The following FAM118A variants were observed in gnomAD, a reference collection of about 807,000 sequenced individuals.
The protein encoded by FAM118A is protein FAM118A.
FAM118A carries 25 observed loss-of-function variants against 38.2 expected under a neutral mutation model. The observed-to-expected ratio is 0.65, with a 90% confidence interval of 0.48 to 0.91. FAM118A has a LOEUF of 0.91. Among genes scored for constraint, FAM118A ranks in the 40% least tolerant of loss-of-function variants. The probability of loss-of-function intolerance (pLI) is 0.00; values close to 1 mark genes in which losing one functional copy is unlikely to be tolerated. For synonymous variants in FAM118A, 178 were observed against 184.1 expected, an observed-to-expected ratio of 0.97 and a Z score of 0.27; for missense variants, 425 against 463.3, an observed-to-expected ratio of 0.92 and a Z score of 0.76.
intron 4 of FAM118A, 145 bp from the exon 5 acceptor site, chr22:45,330,458 G>C (rs2085625781): frequency 1.1e-6 from 1 of 893,358 alleles, no homozygotes; most frequent in African/African-American, 1.7e-5. Context: ...CTTAGGTTTT[G>C]AAGGTATAAG....
chr22:45,336,117 A>G (rs2086076685), intron 7 of FAM118A, among the ~76,000 whole-genome samples: 1 of 152,148 alleles, frequency 6.6e-6, no homozygotes. Context: ...TTCCCATGCG[A>G]AAGGACATCT....
chr22:45,336,289 C>G, intron 7 of FAM118A, 39 bp from the exon 8 acceptor site: 1 of 1,550,962 alleles, frequency 6.4e-7, no homozygotes, highest in South Asian at 1.1e-5. Flanking sequence ...CGAGTGGATT[C>G]TGAATAAACA....
rs763127656 is a variant in FAM118A at position 45,336,384 on chromosome 22, T to C, written c.1027T>C (p.Ser343Pro). ...RKLEENGIEV[S>P]KKRTQSDTDD... ...GTTAGAAGAGAATGGAATTGAAGTTTCAAAAAAACGCACACAATCAGATAC... is the reference window on the plus strand; with the variant it reads ...GTTAGAAGAGAATGGAATTGAAGTTCCAAAAAAACGCACACAATCAGATAC... Residue 343 changes from serine (S) to proline (P), a missense_variant, in exon 8 of 9, where the codon TCA becomes CCA. Coordinates refer to ENST00000441876, the MANE Select transcript of FAM118A (RefSeq NM_017911.4). 11 of 1,614,022 alleles carry C rather than the reference T, an allele frequency of 6.8e-6. No individual in the cohort carries two copies. Among genetic ancestry groups the C allele is most frequent in the Non-Finnish European group, 6.8e-6 (8 of 1,179,888 alleles).
At chr22:45,323,577 G>A (rs2085040132) in intron 3 of FAM118A, 150 bp downstream of exon 3, 7 of 1,030,058 alleles carry the variant, frequency 6.8e-6, no homozygotes, top group African/African-American at 1.6e-5. Context: ...TGAGTCCATC[G>A]GGGTGTCGTC....
chr22:45,321,074 AAGT>A (rs2084849957), intron 1 of FAM118A, among the ~76,000 whole-genome samples: 1 of 152,190 alleles, frequency 6.6e-6, no homozygotes, highest in African/African-American at 2.4e-5. Context: ...ATGCATGAAA[AAGT>A]AGGATATGCA....
intron 3 of FAM118A, among the ~76,000 whole-genome samples, chr22:45,324,920 G>A (rs370774576): frequency 1.3e-5 from 2 of 152,204 alleles, no homozygotes; most frequent in Admixed American, 6.5e-5. Flanking sequence ...GGTGGCAGGC[G>A]CCTGTAATCC....
At chr22:45,330,461 G>A (rs895443871) in intron 4 of FAM118A, 142 bp from the exon 5 acceptor site, 3 of 912,306 alleles carry the variant, frequency 3.3e-6, no homozygotes, top group Admixed American at 7.8e-5. Flanking sequence ...AGGTTTTGAA[G>A]GTATAAGTGT....
intron 4 of FAM118A, 61 bp from the exon 5 acceptor site, chr22:45,330,542 C>G: frequency 1.4e-6 from 2 of 1,458,586 alleles, no homozygotes; most frequent in Non-Finnish European, 1.8e-6. Flanking sequence ...TCAGTATTTT[C>G]TTCTCTCTGT....
chr22:45,310,981 C>T (rs934028786), intron 1 of FAM118A, among the ~76,000 whole-genome samples: 2 of 152,162 alleles, frequency 1.3e-5, no homozygotes, highest in Non-Finnish European at 2.9e-5. Context: ...AGAGATGAGA[C>T]GGTCCCTGCT....
intron 3 of FAM118A, among the ~76,000 whole-genome samples, chr22:45,327,548 C>T (rs1047852687): frequency 6.6e-6 from 1 of 152,182 alleles, no homozygotes; most frequent in African/African-American, 2.4e-5. Context: ...TCCTCAGGCC[C>T]CTGTTCAGAT....
At chr22:45,330,876 C>T (rs1333068082) in intron 5 of FAM118A, 145 bp downstream of exon 5, 2 of 837,404 alleles carry the variant, frequency 2.4e-6, no homozygotes, top group Non-Finnish European at 3.3e-6. Flanking sequence ...GAGGGAGGGG[C>T]CACGTCTCTT....
intron 1 of FAM118A, among the ~76,000 whole-genome samples, chr22:45,315,969 A>G (rs1244019392): frequency 8.5e-5 from 13 of 152,212 alleles, no homozygotes; most frequent in Admixed American, 8.5e-4. Context: ...GAAACCTATC[A>G]GCTGGATCGC....
At chr22:45,315,244 A>C (rs1198313709) in intron 1 of FAM118A, among the ~76,000 whole-genome samples, 1 of 152,204 alleles carries the variant, frequency 6.6e-6, no homozygotes, top group Non-Finnish European at 1.5e-5. Flanking sequence ...CAATTAACTT[A>C]TTTCCATCAT....
chr22:45,329,564 T>G (rs981606451), intron 4 of FAM118A: 6 of 152,308 alleles, frequency 3.9e-5, no homozygotes, highest in African/African-American at 1.4e-4. Context: ...CACTGCTGCC[T>G]GTGTTGTCTG....
Position 45,340,492 on chromosome 22 carries a change from G to A in FAM118A, c.*87G>A, listed in dbSNP as rs1053473921. ...AAGAGGAATGTATGGAGAACTCCAC[G>A]TGGATCTCTGATTGCGAAACCGTCA... On this transcript the variant is annotated 3_prime_UTR_variant, in exon 9 of 9. Coordinates refer to ENST00000441876, the MANE Select transcript of FAM118A (RefSeq NM_017911.4). The A allele has an allele frequency of 2.6e-5, 38 of 1,472,760 alleles. No individual in the cohort carries two copies. The highest frequency in any genetic ancestry group is 5.6e-5 in the African/African-American group (4 of 72,046). The allele number at this position is 1,472,760 out of a possible 1,614,324, so 91.2% of individuals were successfully genotyped here. A position where few individuals can be genotyped will look rare whatever the true frequency, so the allele number is the denominator to read the frequency against.
intron 3 of FAM118A, among the ~76,000 whole-genome samples, chr22:45,326,035 T>C (rs1349435954): frequency 6.6e-6 from 1 of 151,962 alleles, no homozygotes; most frequent in Non-Finnish European, 1.5e-5. Flanking sequence ...CCTATGAGTC[T>C]TGGTTTTCTT....
chr22:45,330,616 C>T lies in FAM118A; in HGVS notation c.536C>T (p.Ala179Val). 2 of 1,577,640 alleles carry T rather than the reference C, an allele frequency of 1.3e-6. No homozygotes were observed. Among genetic ancestry groups the T allele is most frequent in the Non-Finnish European group, 1.7e-6 (2 of 1,164,990 alleles). ...LKDKTKVLEW[A>V]RGHMKYGVLH... ...GATGTTTGGTAGGTCCTTGAATGGG[C>T]AAGAGGGCACATGAAGTACGGCGTC... is the stretch of plus-strand genomic sequence containing the variant. Residue 179 changes from alanine (A) to valine (V), a missense_variant, in exon 5 of 9, where the codon GCA becomes GTA. Physicochemically the swap from Ala to Val is moderately conservative, Grantham distance 64 (BLOSUM62 0). Coordinates refer to ENST00000441876, the MANE Select transcript of FAM118A (RefSeq NM_017911.4).
chr22:45,327,783 G>A, intron 3 of FAM118A, 59 bp from the exon 4 acceptor site: 5 of 1,561,390 alleles, frequency 3.2e-6, no homozygotes, highest in East Asian at 2.3e-5. Flanking sequence ...GGCCTGCTTA[G>A]GTGCTCAGTA....
chr22:45,336,643 G>A (rs1045589226), intron 8 of FAM118A, among the ~76,000 whole-genome samples: 6 of 152,268 alleles, frequency 3.9e-5, no homozygotes, highest in South Asian at 4.2e-4. Flanking sequence ...AAAATGTTAC[G>A]GAGAAAACAT....
Sources: gnomAD v4.1 joint callset for allele counts (sites outside exome capture counted in the v4.1 genomes callset) on GRCh38, gnomAD v4.1.1 for gene constraint, MANE v1.5 for transcripts, NCBI Gene and HGNC (gene_info 2026-07-23, HGNC 2026-07-21) for gene names.